RGN: variants seen among roughly 807,000 people sequenced by gnomAD.
RGN encodes the protein epididymis secretory protein Li 41.
Under a neutral mutation model 20.6 loss-of-function variants are expected in RGN, and 19 were observed. That is an observed-to-expected ratio of 0.92 (90% confidence interval 0.64 to 1.35). RGN has a LOEUF of 1.35. Ranked by LOEUF, RGN falls within the 40% of genes most tolerant of loss-of-function variation. The pLI is 0.00. For missense variants in RGN, 302 were observed against 232.7 expected (o/e 1.30, Z -1.94); for synonymous variants, 85 against 87.2 (o/e 0.97, Z 0.14).
chrX:47,086,336 G>C (rs782649731), intron 4 of RGN, among the ~76,000 whole-genome samples: 1 of 111,685 alleles, frequency 9.0e-6, no homozygotes, highest in East Asian at 2.8e-4. Flanking sequence ...TGATCACCAG[G>C]TTAAGGCCCT....
At chrX:47,090,948 G>GAAATAAGGAAGGAAAGAA (rs1167854543) in intron 5 of RGN, among the ~76,000 whole-genome samples, 1 of 50,698 alleles carries the variant, frequency 2.0e-5, no homozygotes, top group South Asian at 1.2e-3. Flanking sequence ...AAGAAAGAAA[G>GAAATAAGGAAGGAAAGAA]AAAGAAAGAA....
rs1556388009 is a variant in RGN, at chrX:47,091,817, T to C, written c.694+8T>C. 8.3e-7 allele frequency: 1 copy of C among 1,201,403 alleles called. No homozygotes were observed. Among genetic ancestry groups the C allele is most frequent in the Non-Finnish European group, 1.1e-6 (1 of 892,164 alleles). ...GTTTAGATCCTGTGACAGGTAGGCCTGCAGCAAAATGAAAAATCCTTGTCA... is the reference window on the plus strand; with the variant it reads ...GTTTAGATCCTGTGACAGGTAGGCCCGCAGCAAAATGAAAAATCCTTGTCA... On this transcript the variant is annotated splice_region_variant and intron_variant, in intron 6 of 7. Coordinates refer to ENST00000397180, the MANE Select transcript of RGN (RefSeq NM_152869.4).
At chrX:47,092,664 G>A (rs1931064980) in intron 7 of RGN, among the ~76,000 whole-genome samples, 2 of 112,057 alleles carry the variant, frequency 1.8e-5, no homozygotes, top group African/African-American at 6.5e-5. Flanking sequence ...CAGATGATAG[G>A]AGTAATCCAG....
At chrX:47,085,651 A>AT (rs1414737855) in intron 4 of RGN, among the ~76,000 whole-genome samples, 1 of 107,964 alleles carries the variant, frequency 9.3e-6, no homozygotes, top group African/African-American at 3.6e-5. Context: ...AGAGTCCTTT[A>AT]TTTAAAAAAA....
intron 4 of RGN, among the ~76,000 whole-genome samples, chrX:47,088,651 G>T (rs1279861161): frequency 1.8e-5 from 2 of 110,002 alleles, no homozygotes; most frequent in Non-Finnish European, 3.8e-5. Context: ...AAATCCTTTG[G>T]CCGGGCGCGG....
At position 47,092,246 on chromosome X, in the gene RGN, T is replaced by G. The variant is rs1298028703; in HGVS notation, c.849+31T>G. On this transcript the variant is annotated intron_variant, in intron 7 of 7. Coordinates refer to ENST00000397180, the MANE Select transcript of RGN (RefSeq NM_152869.4). ...ATGGCTATTTCTTTTATTTTGGGGG[T>G]GGGGGATCCCAAATACTTACAGGGG... 3 of 1,130,269 alleles carry G rather than the reference T, an allele frequency of 2.7e-6. No homozygotes were observed. The African/African-American group carries it at 5.5e-5, about 21-fold the overall frequency. The allele number at this position is 1,130,269 out of a possible 1,213,427, so 93.1% of individuals were successfully genotyped here.
rs1348341018 is a variant in RGN, at chrX:47,081,202, C to T, written c.58C>T (p.Pro20Ser). 3 of 1,204,627 alleles carry T rather than the reference C, an allele frequency of 2.5e-6. No homozygotes were observed. The highest frequency in any genetic ancestry group is 3.4e-6 in the Non-Finnish European group (3 of 889,121). ...LPENCRCGES[P>S]VWEEVSNSLL... ...AGAGAACTGCCGGTGTGGTGAGTCT[C>T]CAGTATGGGAGGAAGTGTCCAACTC... is the stretch of plus-strand genomic sequence containing the variant. The change falls in exon 3 of 8, where the codon CCA (proline) becomes TCA (serine). Residue 20 changes from proline (P) to serine (S), a missense_variant. Transcript: ENST00000397180.
chrX:47,083,302 G>C (rs1022389433), intron 3 of RGN, among the ~76,000 whole-genome samples: 2 of 109,154 alleles, frequency 1.8e-5, no homozygotes, highest in East Asian at 2.9e-4. Context: ...GGGAGGCTGA[G>C]GCAGGAGAAT....
chrX:47,092,517 A>AGTTGATT (rs1470211728), intron 7 of RGN, among the ~76,000 whole-genome samples: 1 of 112,126 alleles, frequency 8.9e-6, no homozygotes, highest in Non-Finnish European at 1.9e-5. Flanking sequence ...CTAGAAGATC[A>AGTTGATT]GTTGATTGTT....
intron 3 of RGN, among the ~76,000 whole-genome samples, chrX:47,082,541 G>A (rs1930384636): frequency 9.1e-6 from 1 of 110,358 alleles, no homozygotes. Context: ...TTGAACTCTT[G>A]GGCTCAAGCA....
At position 47,084,723 on chromosome X, in the gene RGN, G is replaced by A. The variant is rs1268739455; in HGVS notation, c.346+123G>A. The A allele has an allele frequency of 8.7e-6, 5 of 575,536 alleles. No individual in the cohort carries two copies. The Admixed American group carries it at 2.0e-4, about 23-fold the overall frequency. 47.4% of individuals were successfully genotyped at this position (575,536 alleles called of 1,213,427 possible). On this transcript the variant is annotated intron_variant, in intron 4 of 7. Coordinates refer to ENST00000397180, the MANE Select transcript of RGN (RefSeq NM_152869.4). ...GTAATCCAGCACTTTGGGAGCCAAG[G>A]CGAGTAGGTCGCATGAGCCCAGGAG...
rs1464773715 is a variant in RGN at position 47,091,676 on chromosome X, AG to A, written c.563-1del. 9.2e-6 allele frequency: 11 copies of A among 1,201,822 alleles called. No individual in the cohort carries two copies. Among genetic ancestry groups the A allele is most frequent in the Non-Finnish European group, 1.2e-5 (11 of 892,657 alleles). ...GTTTTTGTTTTTGCCTTTTAACCAT[AG>A]CCAACCGCAGAAGTGTTTACAAGCT... On this transcript the variant is annotated splice_acceptor_variant, in intron 5 of 7. Coordinates refer to ENST00000397180, the MANE Select transcript of RGN (RefSeq NM_152869.4). LOFTEE classifies it high-confidence loss of function.
At chrX:47,083,920 AC>A (rs1350680777) in intron 3 of RGN, among the ~76,000 whole-genome samples, 54 of 97,474 alleles carry the variant, frequency 5.5e-4, no homozygotes, top group South Asian at 2.9e-3. Flanking sequence ...CTCAAACAAA[AC>A]AAACAAAAAA....
At chrX:47,083,630 G>C (rs1485618317) in intron 3 of RGN, among the ~76,000 whole-genome samples, 1 of 111,756 alleles carries the variant, frequency 8.9e-6, no homozygotes, top group Non-Finnish European at 1.9e-5. Flanking sequence ...CGAATCCTGG[G>C]CCTGGCGTGG....
At chrX:47,082,585 T>A (rs1424373114) in intron 3 of RGN, among the ~76,000 whole-genome samples, 1 of 111,391 alleles carries the variant, frequency 9.0e-6, no homozygotes, top group African/African-American at 3.3e-5. Flanking sequence ...AGTGCTGAGA[T>A]TACAGGTGTG....
intron 4 of RGN, 26 bp from the exon 5 acceptor site, chrX:47,089,750 A>T: frequency 8.6e-7 from 1 of 1,159,240 alleles, no homozygotes; most frequent in Non-Finnish European, 1.2e-6. Context: ...TATGGGGCAG[A>T]GCTCAGTGCT....
In RGN at chrX:47,079,415, TG is replaced by T. The variant is rs1301927831; in HGVS notation, c.-636+707del. On this transcript the variant is annotated intron_variant, in intron 1 of 7. Coordinates refer to ENST00000397180, the MANE Select transcript of RGN (RefSeq NM_152869.4). ...TTTGGTTTCTGTTTTTGTTTTGTTT[TG>T]TTTTGTTTTTTTGTTTTTTTGGTTT... 1.7e-4 allele frequency among the ~76,000 whole-genome samples: 19 copies of T among 109,412 alleles called. No homozygotes were observed. The East Asian group carries it at 5.4e-3, about 31-fold the overall frequency.
intron 4 of RGN, among the ~76,000 whole-genome samples, chrX:47,085,313 AT>A (rs1556383850): frequency 9.0e-6 from 1 of 110,831 alleles, no homozygotes; most frequent in Non-Finnish European, 1.9e-5. Flanking sequence ...AGGTCAGGAG[AT>A]TTGAGACCAT....
At chrX:47,087,364 G>A (rs529202450) in intron 4 of RGN, 1 of 111,566 alleles carries the variant, frequency 9.0e-6, no homozygotes, top group East Asian at 2.8e-4. Context: ...TATGGTCCGG[G>A]ACAGGTTGAA....
Sources: gnomAD v4.1 joint callset for allele counts (sites outside exome capture counted in the v4.1 genomes callset) on GRCh38, gnomAD v4.1.1 for gene constraint, MANE v1.5 for transcripts, NCBI Gene and HGNC (gene_info 2026-07-23, HGNC 2026-07-21) for gene names.